Variants in TMEM71 observed in about 807,000 individuals in gnomAD.
TMEM71 encodes the protein transmembrane protein 71.
TMEM71 carries 44 observed loss-of-function variants against 38.0 expected under a neutral mutation model. That is an observed-to-expected ratio of 1.16 (90% confidence interval 0.91 to 1.49). TMEM71 has a LOEUF of 1.49. Ranked by LOEUF, TMEM71 falls within the 40% of genes most tolerant of loss-of-function variation. TMEM71 has a pLI of 0.00. For synonymous variants in TMEM71, 133 were observed against 122.5 expected (o/e 1.09, Z -0.56); for missense variants, 367 against 348.6 (o/e 1.05, Z -0.42).
intron 7 of TMEM71, among the ~76,000 whole-genome samples, chr8:132,721,140 A>G (rs556659914): frequency 2.0e-4 from 30 of 152,324 alleles, no homozygotes; most frequent in African/African-American, 6.5e-4. Flanking sequence ...TATCTGGAGG[A>G]TTCTAAGAGG....
intron 9 of TMEM71, among the ~76,000 whole-genome samples, chr8:132,712,647 C>T (rs1465633700): frequency 6.6e-6 from 1 of 152,162 alleles, no homozygotes; most frequent in Non-Finnish European, 1.5e-5. Context: ...GGGGCATTCA[C>T]ACCCTGGTAC....
chr8:132,711,107 G>T, intron 9 of TMEM71, 125 bp from the exon 10 acceptor site: 1 of 840,168 alleles, frequency 1.2e-6, no homozygotes. Context: ...CCCACAACGG[G>T]CCTGAATTAT....
intron 5 of TMEM71, among the ~76,000 whole-genome samples, chr8:132,736,860 T>C (rs2739018): frequency 0.92 from 139,614 of 152,036 alleles, 64,244 homozygotes; most frequent in East Asian, 1. Flanking sequence ...GAGAGAGCAG[T>C]TCTTAAATGT....
At chr8:132,775,369 C>G in the TMEM71 span, 1 of 363,196 alleles carries the variant, frequency 2.8e-6, no homozygotes, top group Admixed American at 4.7e-5. Context: ...CTGACGTCGC[C>G]GGGGCCCGGC....
chr8:132,712,824 C>T (rs1432404117), intron 9 of TMEM71, among the ~76,000 whole-genome samples: 1 of 151,228 alleles, frequency 6.6e-6, no homozygotes, highest in Non-Finnish European at 1.5e-5. Context: ...GTCATTAACT[C>T]CTTTTTCTTT....
rs1554619167 is a variant in TMEM71 at position 132,746,422 on chromosome 8, T to TATACATATATATATACATATAC, written c.487+519_487+520insGTATATGTATATATATATGTAT. On this transcript the variant is annotated intron_variant, in intron 5 of 9. Transcript: ENST00000677595. The stretch of plus-strand genomic sequence containing the variant: ...ATACATATATATATACACACACATA[T>TATACATATATATATACATATAC]ATATACATATATATATACATATACA... Among the ~76,000 whole-genome samples, 15 of 19,166 alleles carry TATACATATATATATACATATAC rather than the reference T, an allele frequency of 7.8e-4. 1 individual carries two copies. The highest frequency in any genetic ancestry group is 1.6e-3 in the African/African-American group (14 of 8,714). 12.6% of individuals were successfully genotyped at this position (19,166 alleles called of 152,430 possible).
In TMEM71 at chr8:132,716,935, A is replaced by G. The variant is rs532306942; in HGVS notation, c.753-2720T>C. Among the ~76,000 whole-genome samples, 29 of 152,288 alleles carry G rather than the reference A, an allele frequency of 1.9e-4. No homozygotes were observed. The South Asian group carries it at 5.8e-3, about 31-fold the overall frequency. Reference sequence around the variant, plus strand: ...GTTGTTTCTATTTTTGCTATTACCAAAATGATGTGCAAGGGACCCAAAATA... The same window carrying G: ...GTTGTTTCTATTTTTGCTATTACCAGAATGATGTGCAAGGGACCCAAAATA... On this transcript the variant is annotated intron_variant, in intron 7 of 9. Transcript: ENST00000677595.
intron 9 of TMEM71, among the ~76,000 whole-genome samples, chr8:132,713,568 G>A (rs985128621): frequency 6.6e-6 from 1 of 152,106 alleles, no homozygotes; most frequent in Admixed American, 6.5e-5. Flanking sequence ...CTGAACCATG[G>A]CAGTTAACAC....
At chr8:132,707,683 GA>G (rs946356284), downstream of TMEM71, among the ~76,000 whole-genome samples, 2 of 152,164 alleles carry the variant, frequency 1.3e-5, no homozygotes, top group Non-Finnish European at 2.9e-5. Context: ...ACAGCTGCCA[GA>G]ACTGTGAGAA....
chr8:132,724,723 A>G (rs1827042173), intron 6 of TMEM71, among the ~76,000 whole-genome samples: 1 of 152,218 alleles, frequency 6.6e-6, no homozygotes, highest in East Asian at 1.9e-4. Flanking sequence ...GAGAGGCATA[A>G]CAAATTATGA....
rs1016763588 is a variant in TMEM71, at chr8:132,710,560, GC to G, written c.*406del. 10 of 374,734 alleles carry G rather than the reference GC, an allele frequency of 2.7e-5. No individual in the cohort carries two copies. The highest frequency in any genetic ancestry group is 2.1e-4 in the African/African-American group (10 of 47,586). The allele number at this position is 374,734 out of a possible 1,614,324, so 23.2% of individuals were successfully genotyped here. On this transcript the variant is annotated 3_prime_UTR_variant, in exon 10 of 10. Transcript: ENST00000677595. ...AACTTGCTCTCATTATTCTATTAAAGCAATTCAGCAAGAGATAGGTGCATGT... is the reference window on the plus strand; with the variant it reads ...AACTTGCTCTCATTATTCTATTAAAGAATTCAGCAAGAGATAGGTGCATGT...
At chr8:132,737,115 T>G (rs574654005) in intron 5 of TMEM71, among the ~76,000 whole-genome samples, 1 of 152,282 alleles carries the variant, frequency 6.6e-6, no homozygotes, top group South Asian at 2.1e-4. Context: ...GAGGAGTGAC[T>G]GCGAGTGAGT....
At chr8:132,726,417 T>C (rs1827145665) in intron 6 of TMEM71, among the ~76,000 whole-genome samples, 1 of 152,210 alleles carries the variant, frequency 6.6e-6, no homozygotes, top group Non-Finnish European at 1.5e-5. Flanking sequence ...ATTTTTTCCA[T>C]TTAACTTCAA....
intron 3 of TMEM71, among the ~76,000 whole-genome samples, chr8:132,753,568 G>C (rs548474572): frequency 6.6e-6 from 1 of 152,026 alleles, no homozygotes; most frequent in Non-Finnish European, 1.5e-5. Flanking sequence ...CACACCTTCA[G>C]TAAGAAGGAC....
At chr8:132,723,992 G>A (rs10105085) in intron 6 of TMEM71, among the ~76,000 whole-genome samples, 4,115 of 152,222 alleles carry the variant, frequency 0.027, 192 homozygotes, top group African/African-American at 0.094. Flanking sequence ...CACCTGAGCC[G>A]TAAAACCAGC....
intron 5 of TMEM71, among the ~76,000 whole-genome samples, chr8:132,735,953 A>T (rs185904729): frequency 1.3e-5 from 2 of 152,352 alleles, no homozygotes; most frequent in Non-Finnish European, 1.5e-5. Flanking sequence ...GTACAATGGA[A>T]AATGTAACCT....
intron 5 of TMEM71, among the ~76,000 whole-genome samples, chr8:132,741,439 C>T (rs1027437074): frequency 3.3e-5 from 5 of 152,114 alleles, no homozygotes; most frequent in Admixed American, 2.0e-4. Context: ...ACCACCAATG[C>T]GCAGAGACCA....
chr8:132,714,123 C>T (rs1563741260), intron 8 of TMEM71, 31 bp downstream of exon 8: 2 of 1,609,866 alleles, frequency 1.2e-6, no homozygotes, highest in Non-Finnish European at 1.7e-6. Flanking sequence ...ATACAGGCAT[C>T]ATTGCAGTAA....
At chr8:132,764,949 T>C (rs534878547), upstream of TMEM71, among the ~76,000 whole-genome samples, 2 of 152,218 alleles carry the variant, frequency 1.3e-5, no homozygotes, top group African/African-American at 4.8e-5. Flanking sequence ...GGCTAGGTTC[T>C]CTGCCACACA....
Sources: gnomAD v4.1 joint callset for allele counts (sites outside exome capture counted in the v4.1 genomes callset) on GRCh38, gnomAD v4.1.1 for gene constraint, MANE v1.5 for transcripts, NCBI Gene and HGNC (gene_info 2026-07-23, HGNC 2026-07-21) for gene names.